Variants in TPTE2 observed in about 807,000 individuals in gnomAD.
TPTE2 encodes the protein transmembrane phosphoinositide 3-phosphatase and tensin homolog 2, also known as phosphatidylinositol 3,4,5-trisphosphate 3-phosphatase TPTE2.
TPTE2 carries 53 observed loss-of-function variants against 78.6 expected under a neutral mutation model. The observed-to-expected ratio is 0.67, with a 90% CI of 0.54 to 0.85. TPTE2 has a LOEUF of 0.85. TPTE2 is among the 40% of genes least tolerant of loss of function. The pLI is 0.00. For missense variants in TPTE2, 461 were observed against 623.0 expected, an observed-to-expected ratio of 0.74 and a Z score of 2.77; for synonymous variants, 175 against 206.2, an observed-to-expected ratio of 0.85 and a Z score of 1.30.
At chr13:19,530,968 T>C (rs1359929226) in intron 1 of TPTE2, among the ~76,000 whole-genome samples, 2 of 152,154 alleles carry the variant, frequency 1.3e-5, no homozygotes, top group African/African-American at 2.4e-5. Flanking sequence ...AAAAAAATTA[T>C]CCCAAACAGA....
At chr13:19,479,294 C>G (rs1000820131) in intron 4 of TPTE2, among the ~76,000 whole-genome samples, 1 of 152,034 alleles carries the variant, frequency 6.6e-6, no homozygotes, top group African/African-American at 2.4e-5. Context: ...TGGAAGAAGA[C>G]AGAAGTAAAG....
the TPTE2 span, among the ~76,000 whole-genome samples, chr13:19,547,720 C>CATACATACATATAT: frequency 1.7e-5 from 2 of 118,848 alleles, no homozygotes; most frequent in African/African-American, 5.5e-5. Context: ...AATAAATATA[C>CATACATACATATAT]ATATATATAT....
the TPTE2 span, among the ~76,000 whole-genome samples, chr13:19,557,291 AT>A: frequency 6.6e-6 from 1 of 152,216 alleles, no homozygotes; most frequent in African/African-American, 2.4e-5. Context: ...AACTAGCAAT[AT>A]TGACAACTGT....
intron 3 of TPTE2, among the ~76,000 whole-genome samples, chr13:19,489,129 A>G (rs903425113): frequency 2.0e-5 from 3 of 152,204 alleles, no homozygotes; most frequent in Non-Finnish European, 2.9e-5. Context: ...TCACCTTAAT[A>G]TGGGCATGGT....
intron 4 of TPTE2, among the ~76,000 whole-genome samples, chr13:19,481,615 A>G (rs1880362655): frequency 6.6e-6 from 1 of 152,246 alleles, no homozygotes; most frequent in African/African-American, 2.4e-5. Flanking sequence ...GAGTGGGGAA[A>G]GAAGGAAATG....
intron 3 of TPTE2, 76 bp from the exon 7 acceptor site, chr13:19,482,623 T>C: frequency 6.4e-7 from 1 of 1,561,470 alleles, no homozygotes; most frequent in Non-Finnish European, 8.7e-7. Context: ...AAAATATATT[T>C]GAATAACAAG....
chr13:19,555,839 G>T, the TPTE2 span, among the ~76,000 whole-genome samples: 1 of 108,112 alleles, frequency 9.2e-6, no homozygotes, highest in African/African-American at 3.6e-5. Context: ...TTTTGAGATG[G>T]AGTTTTGCTC....
chr13:19,557,337 T>G, the TPTE2 span, among the ~76,000 whole-genome samples: 1 of 152,088 alleles, frequency 6.6e-6, no homozygotes, highest in Non-Finnish European at 1.5e-5. Context: ...TACTTAAGAG[T>G]GTATGTGTGT....
At chr13:19,548,781 C>T in the TPTE2 span, among the ~76,000 whole-genome samples, 2 of 151,684 alleles carry the variant, frequency 1.3e-5, no homozygotes, top group Admixed American at 1.3e-4. Context: ...TAGGAAATAC[C>T]ATTCTAGACA....
intron 19 of TPTE2, among the ~76,000 whole-genome samples, chr13:19,423,738 T>C (rs541998730): frequency 1.3e-5 from 2 of 152,176 alleles, no homozygotes; most frequent in Non-Finnish European, 2.9e-5. Flanking sequence ...GTATGTAAAT[T>C]TAAATGTTAC....
chr13:19,483,316 A>G (rs1566059789), intron 3 of TPTE2, among the ~76,000 whole-genome samples: 1 of 152,250 alleles, frequency 6.6e-6, no homozygotes, highest in East Asian at 1.9e-4. Flanking sequence ...CCTTTTTATT[A>G]CTGATTCAAT....
At chr13:19,510,235 A>AGTGTTGCC in intron 1 of TPTE2, among the ~76,000 whole-genome samples, 1 of 152,254 alleles carries the variant, frequency 6.6e-6, no homozygotes. Context: ...GAGTCTGTTT[A>AGTGTTGCC]GTGTTGCCAT....
At chr13:19,509,113 T>C (rs1015140539) in intron 1 of TPTE2, among the ~76,000 whole-genome samples, 1 of 152,184 alleles carries the variant, frequency 6.6e-6, no homozygotes, top group Non-Finnish European at 1.5e-5. Context: ...CATGACAAAG[T>C]TTGTAGGATA....
At chr13:19,479,767 T>G (rs988054321) in intron 4 of TPTE2, among the ~76,000 whole-genome samples, 2 of 151,982 alleles carry the variant, frequency 1.3e-5, no homozygotes, top group African/African-American at 2.4e-5. Flanking sequence ...ATTGAGACCA[T>G]CCTGGCCAAC....
chr13:19,493,384 T>C, intron 2 of TPTE2, 64 bp downstream of exon 5: 27 of 1,408,276 alleles, frequency 1.9e-5, no homozygotes, highest in Non-Finnish European at 2.7e-5. Flanking sequence ...TATGCCTGTG[T>C]GTGTGTATAG....
chr13:19,450,265 T>G lies in TPTE2; in HGVS notation c.882A>C (p.Leu294=), dbSNP rs146873849. 4.0e-5 allele frequency: 65 copies of G among 1,611,134 alleles called. No individual in the cohort carries two copies. In the African/African-American group the frequency reaches 7.1e-4, roughly 18 times the overall value. ...AGTCAATTTAGCATAAAACTTACTG[T>G]AGAGTGGGGACATTATGATCATCAA... Residue 294 remains leucine, a splice_region_variant and synonymous_variant, in exon 12 of 20, where the codon CTA becomes CTC. Transcript: ENST00000400230.
upstream of TPTE2, among the ~76,000 whole-genome samples, chr13:19,506,356 G>A (rs1869037565): frequency 6.7e-6 from 1 of 150,114 alleles, no homozygotes; most frequent in East Asian, 2.0e-4. Flanking sequence ...TGTATTTTTA[G>A]TAGAGACGGG....
At chr13:19,462,768 C>T (rs1382951784) in intron 10 of TPTE2, among the ~76,000 whole-genome samples, 1 of 152,044 alleles carries the variant, frequency 6.6e-6, no homozygotes, top group African/African-American at 2.4e-5. Flanking sequence ...TCGCCTTGAA[C>T]TCCTGGCCTC....
intron 1 of TPTE2, 44 bp from the exon 5 acceptor site, chr13:19,493,545 C>T (rs1467436282): frequency 1.9e-6 from 3 of 1,592,542 alleles, no homozygotes; most frequent in Non-Finnish European, 2.6e-6. Context: ...AGACATAATT[C>T]TGAATTTATA....
Sources: gnomAD v4.1 joint callset for allele counts (sites outside exome capture counted in the v4.1 genomes callset) on GRCh38, gnomAD v4.1.1 for gene constraint, MANE v1.5 for transcripts, NCBI Gene and HGNC (gene_info 2026-07-23, HGNC 2026-07-21) for gene names.